Variants in PXDNL observed in about 807,000 individuals in gnomAD.
PXDNL encodes peroxidasin like, also known as probable oxidoreductase PXDNL.
In PXDNL, 145 loss-of-function variants were observed where a neutral mutation model predicts 150.8. The ratio of observed to expected loss-of-function variants is 0.96; its 90% CI spans 0.84 to 1.10. The LOEUF (loss-of-function observed/expected upper bound fraction) is 1.10, where lower values mean the gene tolerates loss of function less well. PXDNL is among the 50% of genes least tolerant of loss of function. The probability of loss-of-function intolerance (pLI) is 0.00; values close to 1 mark genes in which losing one functional copy is unlikely to be tolerated. For missense variants in PXDNL, 2,087 were observed against 1,873.9 expected, an observed-to-expected ratio of 1.11 and a Z score of -2.10; for synonymous variants, 757 against 725.7, an observed-to-expected ratio of 1.04 and a Z score of -0.69.
intron 4 of PXDNL, among the ~76,000 whole-genome samples, chr8:51,536,136 G>C (rs1812072319): frequency 2.0e-5 from 3 of 152,220 alleles, no homozygotes. Context: ...AATTTTCCTG[G>C]ATATTTGAGT....
chr8:51,598,932 C>T (rs1813633139), intron 2 of PXDNL, among the ~76,000 whole-genome samples: 1 of 152,010 alleles, frequency 6.6e-6, no homozygotes, highest in African/African-American at 2.4e-5. Context: ...TTGGCCCATC[C>T]AGTATTTCAA....
chr8:51,429,885 A>C (rs1407329069), intron 12 of PXDNL, among the ~76,000 whole-genome samples: 1 of 152,106 alleles, frequency 6.6e-6, no homozygotes, highest in African/African-American at 2.4e-5. Context: ...TATTTTTCTT[A>C]TGTATTTAAA....
intron 22 of PXDNL, 120 bp downstream of exon 22, chr8:51,320,664 T>C (rs1426643579): frequency 2.8e-6 from 2 of 712,612 alleles, no homozygotes; most frequent in Non-Finnish European, 4.7e-6. Context: ...ATCTTAAAAA[T>C]ATGCCTAGAA....
chr8:51,389,401 T>C (rs915680976), intron 17 of PXDNL, among the ~76,000 whole-genome samples: 2 of 152,230 alleles, frequency 1.3e-5, no homozygotes, highest in Non-Finnish European at 2.9e-5. Context: ...TGATGTTTAC[T>C]TGAGAAACCA....
At chr8:51,806,163 C>T (rs1427011498) in intron 1 of PXDNL, among the ~76,000 whole-genome samples, 1 of 152,086 alleles carries the variant, frequency 6.6e-6, no homozygotes, top group East Asian at 1.9e-4. Flanking sequence ...TGTAACCAAT[C>T]TTAAAAATAA....
At chr8:51,447,238 A>C (rs1167699703) in intron 11 of PXDNL, 76 bp from the exon 12 acceptor site, 3 of 1,480,844 alleles carry the variant, frequency 2.0e-6, no homozygotes, top group Non-Finnish European at 2.8e-6. Context: ...GTCCTGGCTA[A>C]AGGGTGAGGC....
At position 51,576,707 on chromosome 8, in the gene PXDNL, C is replaced by T. The variant is rs933705161; in HGVS notation, c.308+15920G>A. Among the ~76,000 whole-genome samples, 4 of 151,298 alleles carry T rather than the reference C, an allele frequency of 2.6e-5. No individual in the cohort carries two copies. In the East Asian group the frequency reaches 7.8e-4, roughly 29 times the overall value. ...TCAAAACAGATAAACAACAGAAAAT[C>T]AGAGAACTAAAAAAAAGCTGATTAT... On this transcript the variant is annotated intron_variant, in intron 3 of 22. Coordinates refer to ENST00000356297, the MANE Select transcript of PXDNL (RefSeq NM_144651.5).
At chr8:51,461,595 C>T (rs1285979898) in intron 8 of PXDNL, among the ~76,000 whole-genome samples, 1 of 152,236 alleles carries the variant, frequency 6.6e-6, no homozygotes, top group African/African-American at 2.4e-5. Context: ...CCATTGACCT[C>T]CTACACAAAC....
intron 1 of PXDNL, among the ~76,000 whole-genome samples, chr8:51,730,146 T>C (rs1000081696): frequency 6.6e-6 from 1 of 152,298 alleles, no homozygotes; most frequent in Non-Finnish European, 1.5e-5. Flanking sequence ...TATGTGTCAA[T>C]GTAGGTTCAT....
At chr8:51,704,192 C>T (rs1220579606) in intron 1 of PXDNL, among the ~76,000 whole-genome samples, 1 of 152,114 alleles carries the variant, frequency 6.6e-6, no homozygotes, top group Non-Finnish European at 1.5e-5. Flanking sequence ...TACCCACAGA[C>T]AATATATATT....
At chr8:51,369,783 A>G (rs1257834913) in intron 19 of PXDNL, among the ~76,000 whole-genome samples, 1 of 152,214 alleles carries the variant, frequency 6.6e-6, no homozygotes, top group East Asian at 1.9e-4. Flanking sequence ...GGGACCACAG[A>G]TCTTGATAAG....
chr8:51,797,394 G>A (rs1230766704), intron 1 of PXDNL, among the ~76,000 whole-genome samples: 1 of 152,184 alleles, frequency 6.6e-6, no homozygotes, highest in Non-Finnish European at 1.5e-5. Context: ...GTCTCTGTTT[G>A]CAGATGACAT....
At chr8:51,498,362 C>A (rs1437424530) in intron 5 of PXDNL, among the ~76,000 whole-genome samples, 1 of 151,888 alleles carries the variant, frequency 6.6e-6, no homozygotes, top group African/African-American at 2.4e-5. Context: ...AGCACACCAA[C>A]ATGGCACATG....
At chr8:51,581,138 A>G (rs1813202338) in intron 3 of PXDNL, among the ~76,000 whole-genome samples, 1 of 152,080 alleles carries the variant, frequency 6.6e-6, no homozygotes, top group Non-Finnish European at 1.5e-5. Flanking sequence ...GAGGAAAAGA[A>G]ATCTTGTAGC....
chr8:51,625,900 ATTTAAAGT>A (rs1284817288), intron 2 of PXDNL, among the ~76,000 whole-genome samples: 1 of 152,168 alleles, frequency 6.6e-6, no homozygotes, highest in Non-Finnish European at 1.5e-5. Context: ...CCAAGCGAAG[ATTTAAAGT>A]TTGCCTTCGA....
At chr8:51,509,797 TGTATATATATAC>T (rs1811373680) in intron 4 of PXDNL, among the ~76,000 whole-genome samples, 1 of 151,106 alleles carries the variant, frequency 6.6e-6, no homozygotes, top group Non-Finnish European at 1.5e-5. Context: ...CACACGTATA[TGTATATATATAC>T]ATATACGTGT....
chr8:51,734,321 G>A (rs57845076), intron 1 of PXDNL, among the ~76,000 whole-genome samples: 19,880 of 152,110 alleles, frequency 0.13, 2,469 homozygotes, highest in East Asian at 0.35. Context: ...AAGTAAAAAA[G>A]GACATATTAG....
chr8:51,520,037 T>C (rs1811627165), intron 4 of PXDNL, among the ~76,000 whole-genome samples: 1 of 152,098 alleles, frequency 6.6e-6, no homozygotes, highest in Non-Finnish European at 1.5e-5. Flanking sequence ...CGTCCAAGTG[T>C]GGACTGCGGT....
intron 1 of PXDNL, among the ~76,000 whole-genome samples, chr8:51,682,457 C>A (rs191014019): frequency 6.6e-6 from 1 of 152,220 alleles, no homozygotes; most frequent in African/African-American, 2.4e-5. Flanking sequence ...GTAATTGGTA[C>A]GGTGTCCACA....
Sources: allele counts gnomAD v4.1 joint callset (sites outside exome capture counted in the v4.1 genomes callset), GRCh38; gene constraint gnomAD v4.1.1; transcripts MANE v1.5; gene names NCBI Gene and HGNC (gene_info 2026-07-23, HGNC 2026-07-21).